ZFAT: variants seen among roughly 807,000 people sequenced by gnomAD.
ZFAT encodes zinc finger and AT-hook domain containing, also known as zinc finger protein ZFAT.
ZFAT carries 64 observed loss-of-function variants against 117.7 expected under a neutral mutation model. The observed-to-expected ratio is 0.54, with a 90% CI of 0.44 to 0.67. ZFAT has a LOEUF of 0.67. Ranked by LOEUF, ZFAT falls within the 30% of genes least tolerant of loss-of-function variation. ZFAT has a pLI of 0.00. For synonymous variants in ZFAT, 679 were observed against 615.0 expected, an observed-to-expected ratio of 1.10 and a Z score of -1.54; for missense variants, 1,433 against 1,584.5, an observed-to-expected ratio of 0.90 and a Z score of 1.62.
At chr8:134,488,533 T>C (rs1817816509) in intron 15 of ZFAT, among the ~76,000 whole-genome samples, 1 of 152,184 alleles carries the variant, frequency 6.6e-6, no homozygotes, top group Non-Finnish European at 1.5e-5. Flanking sequence ...ACTCTCTGCT[T>C]TGGAGTGTCA....
In ZFAT at chr8:134,652,871, C is replaced by A. The variant is rs1831329023; in HGVS notation, c.196+4690G>T. ...CAGAGAGCATTCTGATAAAACCTAG[C>A]AAACTTTTCAATAAGCATACCCTCT... On this transcript the variant is annotated intron_variant, in intron 2 of 15. Coordinates refer to ENST00000377838, the MANE Select transcript of ZFAT (RefSeq NM_020863.4). Among the ~76,000 whole-genome samples, 8 of 152,200 alleles carry A rather than the reference C, an allele frequency of 5.3e-5. No individual in the cohort carries two copies. In the South Asian group the frequency reaches 1.7e-3, roughly 32 times the overall value.
At chr8:134,589,487 CT>C (rs2130870275) in intron 8 of ZFAT, among the ~76,000 whole-genome samples, 1 of 152,338 alleles carries the variant, frequency 6.6e-6, no homozygotes, top group South Asian at 2.1e-4. Context: ...GAAGAAGTAC[CT>C]GTTACTCCCT....
Position 134,548,995 on chromosome 8 carries a change from G to A in ZFAT, c.2977-16023C>T, listed in dbSNP as rs748734293. On this transcript the variant is annotated intron_variant, in intron 11 of 15. Coordinates refer to ENST00000377838, the MANE Select transcript of ZFAT (RefSeq NM_020863.4). ...ACTACTCCACGTTAACTGTGCCCAC[G>A]AGAAACTTCTTTTCCACTCGGAAGA... 3.9e-5 allele frequency among the ~76,000 whole-genome samples: 6 copies of A among 152,174 alleles called. No homozygotes were observed. In the East Asian group the frequency reaches 7.7e-4, roughly 20 times the overall value.
the ZFAT span, among the ~76,000 whole-genome samples, chr8:134,728,311 A>T: frequency 1.3e-5 from 2 of 152,014 alleles, no homozygotes; most frequent in Non-Finnish European, 2.9e-5. Context: ...GGGAAGGCAG[A>T]CTTCAAATGG....
chr8:134,657,950 C>A (rs1165454189), intron 1 of ZFAT, among the ~76,000 whole-genome samples: 1 of 152,162 alleles, frequency 6.6e-6, no homozygotes, highest in Non-Finnish European at 1.5e-5. Context: ...AGTATCTCAA[C>A]CCTCAGTCCT....
At chr8:134,680,331 G>A (rs1563757612) in intron 1 of ZFAT, among the ~76,000 whole-genome samples, 1 of 151,832 alleles carries the variant, frequency 6.6e-6, no homozygotes, top group Middle Eastern at 3.2e-3. Context: ...GAAAGCACTG[G>A]ATGATAGTTT....
At chr8:134,654,760 GAC>G (rs1831488931) in intron 2 of ZFAT, among the ~76,000 whole-genome samples, 1 of 152,326 alleles carries the variant, frequency 6.6e-6, no homozygotes, top group African/African-American at 2.4e-5. Flanking sequence ...TCATTCACTG[GAC>G]ACACACGGAA....
At chr8:134,667,384 T>C (rs1832281828) in intron 1 of ZFAT, among the ~76,000 whole-genome samples, 1 of 151,250 alleles carries the variant, frequency 6.6e-6, no homozygotes, top group African/African-American at 2.4e-5. Context: ...TCCCAGCTAC[T>C]TGGGAGGCTG....
chr8:134,755,817 C>CATAAAAAA, the ZFAT span, among the ~76,000 whole-genome samples: 1 of 90,020 alleles, frequency 1.1e-5, no homozygotes, highest in African/African-American at 4.2e-5. Context: ...GACTCCATCT[C>CATAAAAAA]AAAAAAAAAA....
At chr8:134,591,608 C>A (rs769084934) in intron 7 of ZFAT, among the ~76,000 whole-genome samples, 2 of 152,174 alleles carry the variant, frequency 1.3e-5, no homozygotes, top group African/African-American at 2.4e-5. Context: ...GAGATAGGGT[C>A]TTTACAGAGG....
At chr8:134,712,209 A>C (rs1255251244) in intron 1 of ZFAT, among the ~76,000 whole-genome samples, 3 of 152,190 alleles carry the variant, frequency 2.0e-5, no homozygotes. Context: ...AACTGTGTAA[A>C]GTTGACCTCT....
At chr8:134,744,802 T>C in the ZFAT span, among the ~76,000 whole-genome samples, 1 of 138,044 alleles carries the variant, frequency 7.2e-6, no homozygotes, top group Non-Finnish European at 1.5e-5. Flanking sequence ...TGATCTCGGC[T>C]CACTGCAACT....
At chr8:134,639,756 G>A (rs1830478924) in intron 2 of ZFAT, 2 of 439,912 alleles carry the variant, frequency 4.5e-6, no homozygotes, top group South Asian at 3.2e-5. Flanking sequence ...AATTAGCAGA[G>A]AGGCTACAAA....
chr8:134,727,170 G>C, the ZFAT span, among the ~76,000 whole-genome samples: 1 of 151,998 alleles, frequency 6.6e-6, no homozygotes, highest in African/African-American at 2.4e-5. Context: ...ATGTTTTCTA[G>C]AATGTGTCTG....
chr8:134,734,448 T>A, the ZFAT span, among the ~76,000 whole-genome samples: 1 of 152,230 alleles, frequency 6.6e-6, no homozygotes, highest in South Asian at 2.1e-4. Flanking sequence ...CTCACATATA[T>A]CACACAGTTG....
intron 13 of ZFAT, among the ~76,000 whole-genome samples, chr8:134,516,069 T>G (rs1393271050): frequency 6.6e-6 from 1 of 152,232 alleles, no homozygotes; most frequent in African/African-American, 2.4e-5. Context: ...TCATAAGACT[T>G]AAAATCCATA....
intron 15 of ZFAT, among the ~76,000 whole-genome samples, chr8:134,505,321 T>A (rs544443023): frequency 6.6e-6 from 1 of 152,310 alleles, no homozygotes; most frequent in East Asian, 1.9e-4. Flanking sequence ...TTTCCCTTGT[T>A]AGACTATTTG....
intron 3 of ZFAT, among the ~76,000 whole-genome samples, chr8:134,633,560 C>G (rs926902645): frequency 6.6e-6 from 1 of 152,154 alleles, no homozygotes; most frequent in Non-Finnish European, 1.5e-5. Flanking sequence ...AAATGCTGTA[C>G]AGCCTTTAAA....
chr8:134,567,481 AT>A (rs1563858287), intron 10 of ZFAT, among the ~76,000 whole-genome samples: 12 of 146,032 alleles, frequency 8.2e-5, no homozygotes, highest in Non-Finnish European at 1.8e-4. Context: ...CCATCCATCC[AT>A]CCATCCATCC....
Sources: allele counts gnomAD v4.1 joint callset (sites outside exome capture counted in the v4.1 genomes callset), GRCh38; gene constraint gnomAD v4.1.1; transcripts MANE v1.5; gene names NCBI Gene and HGNC (gene_info 2026-07-23, HGNC 2026-07-21).